SEMA3D: variants seen among roughly 807,000 people sequenced by gnomAD.
SEMA3D encodes the protein semaphorin-3D.
Under a neutral mutation model 100.1 loss-of-function variants are expected in SEMA3D, and 84 were observed. That is an observed-to-expected ratio of 0.84 (90% CI 0.70 to 1.01). SEMA3D has a LOEUF of 1.01. Ranked by LOEUF, SEMA3D falls within the 50% of genes least tolerant of loss-of-function variation. The pLI is 0.00. For synonymous variants in SEMA3D, 312 were observed against 320.7 expected (o/e 0.97, Z 0.29); for missense variants, 875 against 934.1 (o/e 0.94, Z 0.82).
chr7:85,021,012 A>G (rs967646618), intron 13 of SEMA3D, among the ~76,000 whole-genome samples: 2 of 151,566 alleles, frequency 1.3e-5, no homozygotes, highest in Admixed American at 1.3e-4. Flanking sequence ...GTTAGTACAG[A>G]AAGAAAATTA....
chr7:85,148,669 A>G (rs62462192), intron 2 of SEMA3D, among the ~76,000 whole-genome samples: 3 of 152,032 alleles, frequency 2.0e-5, no homozygotes, highest in Non-Finnish European at 2.9e-5. Flanking sequence ...TCTCAGTACA[A>G]TACATCTCAC....
chr7:85,046,687 G>C lies in SEMA3D; in HGVS notation c.862-4402C>G, dbSNP rs147145371. Among the ~76,000 whole-genome samples the C allele has an allele frequency of 3.9e-5, 6 of 152,006 alleles. No individual in the cohort carries two copies. The East Asian group carries it at 1.2e-3, about 29-fold the overall frequency. On this transcript the variant is annotated intron_variant, in intron 9 of 18. Transcript: ENST00000284136. ...ATTCACAAGGAGTTGTATTTCTCCTGTAGGGAAATGTCAGTTGGGCTGACT... is the reference window on the plus strand; with the variant it reads ...ATTCACAAGGAGTTGTATTTCTCCTCTAGGGAAATGTCAGTTGGGCTGACT...
chr7:85,037,230 C>T (rs968901888), intron 11 of SEMA3D, among the ~76,000 whole-genome samples, 197 bp from the exon 12 acceptor site: 2 of 152,186 alleles, frequency 1.3e-5, no homozygotes, highest in Non-Finnish European at 2.9e-5. Flanking sequence ...ATAATAACTT[C>T]ATCGCCAGTA....
intron 6 of SEMA3D, among the ~76,000 whole-genome samples, chr7:85,069,492 T>C (rs768305964): frequency 4.6e-5 from 7 of 152,132 alleles, no homozygotes; most frequent in Non-Finnish European, 8.8e-5. Context: ...CAAGGACTCA[T>C]ACAAGAAAAT....
chr7:85,181,371 T>C (rs1223684354), intron 1 of SEMA3D, among the ~76,000 whole-genome samples: 1 of 144,136 alleles, frequency 6.9e-6, no homozygotes, highest in Non-Finnish European at 1.5e-5. Flanking sequence ...CATGCACTGC[T>C]AGAGTTGTAT....
chr7:85,240,973 AAAAC>A, the SEMA3D span, among the ~76,000 whole-genome samples: 4 of 152,138 alleles, frequency 2.6e-5, no homozygotes, highest in Non-Finnish European at 4.4e-5. Flanking sequence ...TATCAAGAAA[AAAAC>A]AAACAATCCC....
intron 3 of SEMA3D, among the ~76,000 whole-genome samples, chr7:85,113,328 T>G (rs1387199987): frequency 1.3e-5 from 2 of 152,136 alleles, no homozygotes; most frequent in African/African-American, 4.8e-5. Context: ...ATTCGCCACA[T>G]GAACTGAAGG....
At chr7:85,010,470 C>T (rs1789920524) in intron 17 of SEMA3D, among the ~76,000 whole-genome samples, 1 of 151,708 alleles carries the variant, frequency 6.6e-6, no homozygotes, top group Non-Finnish European at 1.5e-5. Context: ...AGTGAAGTAG[C>T]TACTGAAGAG....
the SEMA3D span, among the ~76,000 whole-genome samples, chr7:85,212,298 C>G: frequency 4.7e-4 from 71 of 152,234 alleles, no homozygotes; most frequent in African/African-American, 1.7e-3. Context: ...AGGAAAAATT[C>G]AAAGTGACTT....
chr7:85,122,691 G>T (rs1236699978), intron 2 of SEMA3D, among the ~76,000 whole-genome samples: 2 of 152,132 alleles, frequency 1.3e-5, no homozygotes, highest in East Asian at 1.9e-4. Context: ...ACACTTAAAT[G>T]TGAGAAACTA....
the SEMA3D span, among the ~76,000 whole-genome samples, chr7:85,239,028 A>G: frequency 1.3e-5 from 2 of 152,164 alleles, no homozygotes; most frequent in Non-Finnish European, 2.9e-5. Context: ...ACTTAAAATT[A>G]TTTATTGCAT....
At chr7:85,082,267 G>A (rs1442512596) in intron 4 of SEMA3D, among the ~76,000 whole-genome samples, 1 of 152,116 alleles carries the variant, frequency 6.6e-6, no homozygotes, top group Non-Finnish European at 1.5e-5. Context: ...TTGAACTGGG[G>A]GGGTCTCAAC....
At chr7:85,182,692 C>T (rs1417360085) in intron 1 of SEMA3D, among the ~76,000 whole-genome samples, 2 of 152,102 alleles carry the variant, frequency 1.3e-5, no homozygotes, top group African/African-American at 4.8e-5. Flanking sequence ...TTTAAAACCA[C>T]ATTTTGAGGT....
chr7:85,240,241 T>C, the SEMA3D span, among the ~76,000 whole-genome samples: 1 of 152,276 alleles, frequency 6.6e-6, no homozygotes, highest in South Asian at 2.1e-4. Flanking sequence ...ATTTTCTGCA[T>C]TGATTGATAT....
chr7:85,016,266 T>G (rs973257646), intron 15 of SEMA3D, among the ~76,000 whole-genome samples: 2 of 129,358 alleles, frequency 1.5e-5, no homozygotes, highest in Non-Finnish European at 3.3e-5. Flanking sequence ...TTTTTTTTTT[T>G]GCATTAAATG....
intron 12 of SEMA3D, among the ~76,000 whole-genome samples, chr7:85,032,318 A>G (rs1790571743): frequency 6.6e-6 from 1 of 152,050 alleles, no homozygotes; most frequent in South Asian, 2.1e-4. Flanking sequence ...TAAATTCAAC[A>G]TCAGTATTCT....
the SEMA3D span, among the ~76,000 whole-genome samples, chr7:85,236,783 G>A: frequency 6.6e-6 from 1 of 152,062 alleles, no homozygotes; most frequent in Non-Finnish European, 1.5e-5. Context: ...ACTATCAATT[G>A]CATTCTAATT....
At chr7:85,029,511 G>T in intron 12 of SEMA3D, 3 of 631,554 alleles carry the variant, frequency 4.8e-6, no homozygotes, top group South Asian at 4.7e-5. Flanking sequence ...ACAAGAATCA[G>T]ACTGCAGAGA....
chr7:85,125,835 T>C (rs1789552868), intron 2 of SEMA3D, among the ~76,000 whole-genome samples: 1 of 151,498 alleles, frequency 6.6e-6, no homozygotes, highest in African/African-American at 2.4e-5. Context: ...GTTGTGCATC[T>C]GGGATGAATT....
Sources: allele counts gnomAD v4.1 joint callset (sites outside exome capture counted in the v4.1 genomes callset), GRCh38; gene constraint gnomAD v4.1.1; transcripts MANE v1.5; gene names NCBI Gene and HGNC (gene_info 2026-07-23, HGNC 2026-07-21).